Variants in SEMA3C observed in about 807,000 individuals in gnomAD.
The protein encoded by SEMA3C is semaphorin-3C.
Under a neutral mutation model 89.4 loss-of-function variants are expected in SEMA3C, and 47 were observed. That is an observed-to-expected ratio of 0.53 (90% CI 0.42 to 0.67). The LOEUF (loss-of-function observed/expected upper bound fraction) is 0.67. SEMA3C is among the 30% of genes least tolerant of loss of function. The pLI is 0.00. For synonymous variants in SEMA3C, 310 were observed against 320.2 expected, an observed-to-expected ratio of 0.97 and a Z score of 0.34; for missense variants, 839 against 929.1, an observed-to-expected ratio of 0.90 and a Z score of 1.26.
intron 12 of SEMA3C, among the ~76,000 whole-genome samples, chr7:80,785,309 A>G (rs942897059): frequency 1.3e-5 from 2 of 152,250 alleles, no homozygotes; most frequent in South Asian, 2.1e-4. Context: ...GAACTGTCAC[A>G]TAAGTTTCCC....
chr7:80,883,008 T>A (rs137889699), intron 2 of SEMA3C, among the ~76,000 whole-genome samples: 2 of 152,172 alleles, frequency 1.3e-5, no homozygotes, highest in East Asian at 3.9e-4. Flanking sequence ...CAAAAGAGGA[T>A]GCCATGAGAT....
At chr7:80,755,072 C>T (rs1583846222) in intron 15 of SEMA3C, among the ~76,000 whole-genome samples, 1 of 150,924 alleles carries the variant, frequency 6.6e-6, no homozygotes, top group African/African-American at 2.4e-5. Flanking sequence ...AGTGCTGGGA[C>T]TACAGGCATA....
chr7:80,892,177 T>C lies in SEMA3C; in HGVS notation c.103+24502A>G, dbSNP rs535422404. On this transcript the variant is annotated intron_variant, in intron 2 of 17. Transcript: ENST00000265361. ...ATCATTGGCTTCTGTACAGTATCTT[T>C]ACAGGAGGCAATAAACTACTACTTG... 5.0e-4 allele frequency among the ~76,000 whole-genome samples: 76 copies of C among 152,240 alleles called. 2 individuals are homozygous for C. The South Asian group carries it at 0.015, about 29-fold the overall frequency.
At chr7:80,816,601 A>G (rs1789613284) in intron 5 of SEMA3C, among the ~76,000 whole-genome samples, 1 of 152,196 alleles carries the variant, frequency 6.6e-6, no homozygotes, top group Non-Finnish European at 1.5e-5. Flanking sequence ...CTACAAATAT[A>G]TAAAAGTGAT....
At chr7:80,820,573 TTAAA>T (rs1280653451) in intron 4 of SEMA3C, among the ~76,000 whole-genome samples, 3 of 152,294 alleles carry the variant, frequency 2.0e-5, no homozygotes, top group Admixed American at 2.0e-4. Context: ...ATTTTTATTA[TTAAA>T]TAATCAATCA....
intron 2 of SEMA3C, among the ~76,000 whole-genome samples, chr7:80,855,990 T>C (rs1296884364): frequency 6.6e-6 from 1 of 152,182 alleles, no homozygotes; most frequent in Non-Finnish European, 1.5e-5. Context: ...TTTGTGAATG[T>C]ATTTCTTGCT....
At chr7:80,749,127 A>T (rs1787867658) in intron 16 of SEMA3C, 99 bp from the exon 17 acceptor site, 3 of 1,252,436 alleles carry the variant, frequency 2.4e-6, no homozygotes, top group African/African-American at 3.1e-5. Context: ...TTATTTTTAT[A>T]CAAAATTGTG....
intron 2 of SEMA3C, among the ~76,000 whole-genome samples, chr7:80,887,723 A>G (rs987424117): frequency 2.0e-5 from 3 of 152,228 alleles, no homozygotes; most frequent in Middle Eastern, 3.2e-3. Context: ...AGTAAAAAGC[A>G]TAACTAAGAT....
intron 14 of SEMA3C, among the ~76,000 whole-genome samples, chr7:80,758,812 T>C (rs1366646053): frequency 2.6e-5 from 4 of 152,200 alleles, no homozygotes; most frequent in African/African-American, 9.6e-5. Flanking sequence ...TTTTTTTCTT[T>C]GAATGCTGTA....
At position 80,828,764 on chromosome 7, in the gene SEMA3C, C is replaced by G. The variant is rs755622808; in HGVS notation, c.104-19G>C. 1.4e-5 allele frequency: 23 copies of G among 1,587,164 alleles called. No individual in the cohort carries two copies. Among genetic ancestry groups the G allele is most frequent in the Admixed American group, 1.7e-5 (1 of 58,736 alleles). On this transcript the variant is annotated intron_variant, in intron 2 of 17. Coordinates refer to ENST00000265361, the MANE Select transcript of SEMA3C (RefSeq NM_006379.5). ...CGAAGTTCTGAAAGAGTGAACAGCA[C>G]AAGTGTAGATACAGTATCCTGGTTC... is the stretch of plus-strand genomic sequence containing the variant.
chr7:80,861,722 TAAG>T (rs1281525879), intron 2 of SEMA3C, among the ~76,000 whole-genome samples: 3 of 152,298 alleles, frequency 2.0e-5, no homozygotes, highest in African/African-American at 7.2e-5. Flanking sequence ...TACTAGGCTC[TAAG>T]AATACAGTGT....
At chr7:80,888,680 A>T (rs1419231491) in intron 2 of SEMA3C, among the ~76,000 whole-genome samples, 1 of 152,144 alleles carries the variant, frequency 6.6e-6, no homozygotes, top group African/African-American at 2.4e-5. Flanking sequence ...TGTTTGTGTC[A>T]AAAGTATGAA....
chr7:80,860,787 A>C (rs1790752771), intron 2 of SEMA3C, among the ~76,000 whole-genome samples: 1 of 152,198 alleles, frequency 6.6e-6, no homozygotes, highest in South Asian at 2.1e-4. Flanking sequence ...CTGTTTGCTC[A>C]TGAGGTCCTT....
intron 2 of SEMA3C, among the ~76,000 whole-genome samples, chr7:80,866,928 G>C (rs905378418): frequency 2.6e-5 from 4 of 152,142 alleles, no homozygotes; most frequent in Non-Finnish European, 4.4e-5. Flanking sequence ...AATACAGAGA[G>C]CAATACGAGG....
intron 5 of SEMA3C, among the ~76,000 whole-genome samples, chr7:80,812,545 G>C (rs545392538): frequency 6.6e-6 from 1 of 152,232 alleles, no homozygotes; most frequent in East Asian, 1.9e-4. Flanking sequence ...GTGAGAGTTC[G>C]TCTTGCAGGA....
At position 80,810,595 on chromosome 7, in the gene SEMA3C, T is replaced by C; in HGVS notation, c.538+16A>G. 6.2e-7 allele frequency: 1 copy of C among 1,603,846 alleles called. No individual in the cohort carries two copies. The highest frequency in any genetic ancestry group is 1.7e-4 in the Middle Eastern group (1 of 6,022). ...TTATTTTATGTTTAATCCTCCCTCT[T>C]TCGTTGTCTACTTACTGATCATAAC... On this transcript the variant is annotated intron_variant, in intron 6 of 17. Transcript: ENST00000265361.
chr7:80,807,127 C>T (rs944055593), intron 6 of SEMA3C, among the ~76,000 whole-genome samples: 3 of 151,814 alleles, frequency 2.0e-5, no homozygotes, highest in African/African-American at 7.3e-5. Context: ...ATTTGTGAGG[C>T]TTATATACAC....
At chr7:80,887,581 C>T (rs948774162) in intron 2 of SEMA3C, among the ~76,000 whole-genome samples, 1 of 152,170 alleles carries the variant, frequency 6.6e-6, no homozygotes, top group Non-Finnish European at 1.5e-5. Flanking sequence ...CAGTAGCCTT[C>T]AGGCAAAGGT....
Position 80,745,280 on chromosome 7 carries a change from T to C in SEMA3C, c.1870A>G (p.Thr624Ala), listed in dbSNP as rs1328637190. The C allele has an allele frequency of 6.2e-7, 1 of 1,613,798 alleles. No homozygotes were observed. Among genetic ancestry groups the C allele is most frequent in the Non-Finnish European group, 8.5e-7 (1 of 1,179,952 alleles). ...GAGCGGATCAGGAGTCCCTGTGAAGTGGCTATTATTCGTTCATTCAGCTTA... is the reference window on the plus strand; with the variant it reads ...GAGCGGATCAGGAGTCCCTGTGAAGCGGCTATTATTCGTTCATTCAGCTTA... ...EVKLNERIIA[T>A]SQGLLIRSVQ... is the part of the protein sequence containing the mutation. Residue 624 changes from threonine to alanine, a missense_variant, in exon 18 of 18, where the codon ACT (threonine) becomes GCT (alanine). Thr to Ala is a moderately conservative substitution (Grantham distance 58). Coordinates refer to ENST00000265361, the MANE Select transcript of SEMA3C (RefSeq NM_006379.5).
Sources: gnomAD v4.1 joint callset for allele counts (sites outside exome capture counted in the v4.1 genomes callset) on GRCh38, gnomAD v4.1.1 for gene constraint, MANE v1.5 for transcripts, NCBI Gene and HGNC (gene_info 2026-07-23, HGNC 2026-07-21) for gene names.